PARN: variants seen among roughly 807,000 people sequenced by gnomAD.
PARN encodes the protein poly(A)-specific ribonuclease PARN.
A neutral mutation model predicts 102.8 loss-of-function variants in PARN; 71 were observed. That is an observed-to-expected ratio of 0.69 (90% CI 0.57 to 0.84). The LOEUF is 0.84. PARN is among the 40% of genes least tolerant of loss of function. The pLI, the probability that PARN is intolerant of heterozygous loss-of-function variation, is 0.00. For synonymous variants in PARN, 261 were observed against 252.9 expected, an observed-to-expected ratio of 1.03 and a Z score of -0.30; for missense variants, 782 against 760.9, an observed-to-expected ratio of 1.03 and a Z score of -0.33.
intron 21 of PARN, among the ~76,000 whole-genome samples, chr16:14,526,513 G>A (rs992783758): frequency 2.6e-5 from 4 of 152,188 alleles, no homozygotes; most frequent in Middle Eastern, 6.8e-3. Context: ...ATCTCAGGCC[G>A]CTTCCTTCTA....
chr16:14,596,421 T>C (rs1970516106), intron 12 of PARN, among the ~76,000 whole-genome samples: 1 of 151,734 alleles, frequency 6.6e-6, no homozygotes, highest in Non-Finnish European at 1.5e-5. Context: ...TCCATACATA[T>C]ACATAAAAAC....
intron 22 of PARN, among the ~76,000 whole-genome samples, chr16:14,481,448 G>A (rs761688261): frequency 6.6e-6 from 1 of 152,170 alleles, no homozygotes; most frequent in Non-Finnish European, 1.5e-5. Flanking sequence ...AAAAATGGTT[G>A]CTTAGGGTCA....
At chr16:14,602,653 C>T (rs929273436) in intron 11 of PARN, among the ~76,000 whole-genome samples, 7 of 152,106 alleles carry the variant, frequency 4.6e-5, no homozygotes, top group African/African-American at 1.4e-4. Flanking sequence ...GACTCATCTG[C>T]GTCTTGGCAC....
chr16:14,511,007 C>G (rs1965158688), intron 21 of PARN, among the ~76,000 whole-genome samples: 1 of 152,316 alleles, frequency 6.6e-6, no homozygotes, highest in South Asian at 2.1e-4. Context: ...TATAGGATTG[C>G]TCAATCAAGG....
intron 21 of PARN, among the ~76,000 whole-genome samples, chr16:14,531,030 A>T (rs530570375): frequency 6.6e-6 from 1 of 152,114 alleles, no homozygotes; most frequent in East Asian, 1.9e-4. Flanking sequence ...TCACTCCCAC[A>T]TCATTGTGGA....
chr16:14,586,203 C>T, intron 14 of PARN, 115 bp downstream of exon 14: 1 of 687,558 alleles, frequency 1.5e-6, no homozygotes, highest in Non-Finnish European at 2.7e-6. Context: ...TCTGAACTCC[C>T]TAGGCTCAAG....
At chr16:14,613,396 C>T (rs549386844) in intron 6 of PARN, among the ~76,000 whole-genome samples, 9 of 151,434 alleles carry the variant, frequency 5.9e-5, no homozygotes, top group Admixed American at 1.3e-4. Flanking sequence ...CTGAGGAGGG[C>T]GCATCACTTA....
At chr16:14,617,304 A>C (rs1274289189) in intron 6 of PARN, among the ~76,000 whole-genome samples, 1 of 150,924 alleles carries the variant, frequency 6.6e-6, no homozygotes, top group Non-Finnish European at 1.5e-5. Flanking sequence ...GAATGGTGTG[A>C]AACTGGGAGG....
intron 21 of PARN, among the ~76,000 whole-genome samples, chr16:14,521,833 T>C (rs79380200): frequency 1.3e-5 from 2 of 152,080 alleles, no homozygotes; most frequent in Non-Finnish European, 2.9e-5. Context: ...AACCACCACC[T>C]ATTGACGTTT....
intron 23 of PARN, among the ~76,000 whole-genome samples, chr16:14,441,093 A>G (rs12446148): frequency 1.4e-4 from 22 of 152,312 alleles, no homozygotes; most frequent in Middle Eastern, 3.4e-3. Flanking sequence ...ATGAAATACT[A>G]TGCTTATAGT....
At chr16:14,455,348 T>C (rs2151566298) in intron 22 of PARN, among the ~76,000 whole-genome samples, 1 of 152,366 alleles carries the variant, frequency 6.6e-6, no homozygotes, top group African/African-American at 2.4e-5. Flanking sequence ...TTAAAATTGA[T>C]ACTGCTTTTC....
rs148899437 is a variant in PARN, at chr16:14,538,311, C to T, written c.1480+13710G>A. 2.2e-3 allele frequency among the ~76,000 whole-genome samples: 331 copies of T among 151,090 alleles called. 3 individuals carry two copies. The highest frequency in any genetic ancestry group is 7.4e-3 in the African/African-American group (306 of 41,152). On this transcript the variant is annotated intron_variant, in intron 21 of 23. Coordinates refer to ENST00000437198, the MANE Select transcript of PARN (RefSeq NM_002582.4). The stretch of plus-strand genomic sequence containing the variant: ...TTGGCTCACTACAACCTTTGCCCCA[C>T]GGGTTCAAGCAACTCTCCTGCCTCA...
chr16:14,501,275 CAAAAAACAAACA>C (rs1964572484), intron 21 of PARN, among the ~76,000 whole-genome samples: 3 of 137,542 alleles, frequency 2.2e-5, no homozygotes, highest in South Asian at 2.3e-4. Flanking sequence ...CAAAAAAAAA[CAAAAAACAAACA>C]AAAAAACAAT....
At chr16:14,456,523 C>T (rs958626015) in intron 22 of PARN, among the ~76,000 whole-genome samples, 3 of 152,088 alleles carry the variant, frequency 2.0e-5, no homozygotes, top group African/African-American at 7.2e-5. Context: ...TTGGCTGGAA[C>T]GTTCATGCGC....
intron 18 of PARN, among the ~76,000 whole-genome samples, chr16:14,556,511 G>A (rs1018391558): frequency 6.6e-6 from 1 of 151,804 alleles, no homozygotes; most frequent in East Asian, 1.9e-4. Context: ...TTTTCTCCTG[G>A]GCCAAATATT....
At chr16:14,572,319 C>T (rs1052233429) in intron 18 of PARN, among the ~76,000 whole-genome samples, 1 of 151,288 alleles carries the variant, frequency 6.6e-6, no homozygotes, top group Non-Finnish European at 1.5e-5. Flanking sequence ...CCGTTACTGG[C>T]GAGAGGGCTG....
intron 21 of PARN, among the ~76,000 whole-genome samples, chr16:14,492,117 G>A (rs1196023669): frequency 6.6e-6 from 1 of 152,150 alleles, no homozygotes; most frequent in Non-Finnish European, 1.5e-5. Flanking sequence ...TCATATCGTG[G>A]GTGTTTCTCC....
At chr16:14,459,102 C>G (rs1961832020) in intron 22 of PARN, among the ~76,000 whole-genome samples, 2 of 152,104 alleles carry the variant, frequency 1.3e-5, no homozygotes, top group South Asian at 4.1e-4. Context: ...CTCCTAAGAT[C>G]AGGAATAAGA....
chr16:14,530,684 G>A (rs778814151), intron 21 of PARN, among the ~76,000 whole-genome samples: 6 of 152,046 alleles, frequency 3.9e-5, no homozygotes, highest in South Asian at 2.1e-4. Context: ...GAACACTGTC[G>A]TAAACTTCCG....
Sources: gnomAD v4.1 joint callset for allele counts (sites outside exome capture counted in the v4.1 genomes callset) on GRCh38, gnomAD v4.1.1 for gene constraint, MANE v1.5 for transcripts, NCBI Gene and HGNC (gene_info 2026-07-23, HGNC 2026-07-21) for gene names.